Variants in DIAPH3 observed in about 807,000 individuals in gnomAD.
DIAPH3 encodes the protein protein diaphanous homolog 3.
Under a neutral mutation model 144.3 loss-of-function variants are expected in DIAPH3, and 117 were observed. That is an observed-to-expected ratio of 0.81 (90% CI 0.70 to 0.95). The LOEUF (loss-of-function observed/expected upper bound fraction) is 0.95, where lower values mean the gene tolerates loss of function less well. Among genes scored for constraint, DIAPH3 ranks in the 40% least tolerant of loss-of-function variants. DIAPH3 has a pLI of 0.00. For missense variants in DIAPH3, 1,421 were observed against 1,412.7 expected, an observed-to-expected ratio of 1.01 and a Z score of -0.09; for synonymous variants, 519 against 488.9, an observed-to-expected ratio of 1.06 and a Z score of -0.81.
intron 4 of DIAPH3, among the ~76,000 whole-genome samples, chr13:60,091,382 C>T (rs2057926319): frequency 1.3e-5 from 2 of 152,228 alleles, no homozygotes. Flanking sequence ...ACTGCAACCT[C>T]TGCCTTATGG....
intron 27 of DIAPH3, among the ~76,000 whole-genome samples, chr13:59,771,439 A>G (rs2038114327): frequency 6.6e-6 from 1 of 152,170 alleles, no homozygotes; most frequent in African/African-American, 2.4e-5. Context: ...GATTATTTTC[A>G]TAATCCAAAC....
intron 20 of DIAPH3, among the ~76,000 whole-genome samples, chr13:59,900,349 T>G (rs2046362461): frequency 6.6e-6 from 1 of 152,170 alleles, no homozygotes; most frequent in Non-Finnish European, 1.5e-5. Flanking sequence ...TTTTTTTTCT[T>G]TCACTGCACA....
chr13:59,955,674 A>ATGT (rs768872232), intron 17 of DIAPH3, among the ~76,000 whole-genome samples: 3 of 152,180 alleles, frequency 2.0e-5, no homozygotes, highest in Non-Finnish European at 4.4e-5. Context: ...AGACAGAAAA[A>ATGT]TGTGGGAAAG....
chr13:59,841,161 C>A (rs1176035452), intron 22 of DIAPH3, among the ~76,000 whole-genome samples: 1 of 152,022 alleles, frequency 6.6e-6, no homozygotes, highest in Non-Finnish European at 1.5e-5. Flanking sequence ...TAAGAGATTC[C>A]TTTTGCTCTC....
chr13:59,853,079 G>C (rs573031996), intron 22 of DIAPH3, among the ~76,000 whole-genome samples: 1 of 152,108 alleles, frequency 6.6e-6, no homozygotes, highest in Non-Finnish European at 1.5e-5. Flanking sequence ...GGTAGGAAAA[G>C]GGAAGCTCAG....
rs889578397 is a variant in DIAPH3 at position 60,075,092 on chromosome 13, T to C, written c.495+18536A>G. Among the ~76,000 whole-genome samples the C allele has an allele frequency of 5.3e-5, 8 of 152,228 alleles. No homozygotes were observed. The East Asian group carries it at 1.5e-3, about 29-fold the overall frequency. On this transcript the variant is annotated intron_variant, in intron 4 of 27. Coordinates refer to ENST00000400324, the MANE Select transcript of DIAPH3 (RefSeq NM_001042517.2). ...TAGTTTGCATTGATATATATTTCTA[T>C]ACTCTCACCAAACATTTACTGTCAA...
intron 27 of DIAPH3, among the ~76,000 whole-genome samples, chr13:59,682,706 C>T (rs1300401060): frequency 6.6e-6 from 1 of 152,052 alleles, no homozygotes; most frequent in Non-Finnish European, 1.5e-5. Flanking sequence ...TACCCTATTC[C>T]CTAGTCTGAA....
intron 8 of DIAPH3, among the ~76,000 whole-genome samples, chr13:60,010,117 A>G (rs2053145365): frequency 6.6e-6 from 1 of 152,180 alleles, no homozygotes; most frequent in South Asian, 2.1e-4. Context: ...TGCCTTATAT[A>G]TAGATTTCCA....
intron 27 of DIAPH3, among the ~76,000 whole-genome samples, chr13:59,717,315 A>T (rs950596833): frequency 6.6e-5 from 10 of 152,214 alleles, no homozygotes; most frequent in African/African-American, 2.4e-4. Context: ...TACTTTAAGT[A>T]TTTTGAAGTA....
At chr13:59,780,179 C>T (rs939795919) in intron 25 of DIAPH3, among the ~76,000 whole-genome samples, 2 of 151,670 alleles carry the variant, frequency 1.3e-5, no homozygotes, top group South Asian at 4.2e-4. Flanking sequence ...CAAAGGTAAA[C>T]ACAAAAGCAT....
At chr13:60,096,801 C>A (rs1196990686) in intron 3 of DIAPH3, among the ~76,000 whole-genome samples, 2 of 152,220 alleles carry the variant, frequency 1.3e-5, no homozygotes, top group Non-Finnish European at 2.9e-5. Flanking sequence ...CCCTGGAGTT[C>A]TCAGGCCTTA....
At chr13:59,909,173 G>A (rs1454854249) in intron 20 of DIAPH3, among the ~76,000 whole-genome samples, 1 of 151,948 alleles carries the variant, frequency 6.6e-6, no homozygotes, top group African/African-American at 2.4e-5. Context: ...AAATACACTT[G>A]GCAATTATAA....
chr13:59,819,551 T>C (rs377738012), intron 24 of DIAPH3, among the ~76,000 whole-genome samples: 4 of 151,978 alleles, frequency 2.6e-5, no homozygotes, highest in African/African-American at 9.6e-5. Context: ...TCATATAATG[T>C]AGCAGTTCTC....
At chr13:59,960,661 AT>A (rs2049704315) in intron 17 of DIAPH3, among the ~76,000 whole-genome samples, 1 of 151,574 alleles carries the variant, frequency 6.6e-6, no homozygotes, top group African/African-American at 2.4e-5. Flanking sequence ...ACTGTCAAAA[AT>A]AATGAATTAT....
At chr13:59,929,579 T>G (rs2047918327) in intron 17 of DIAPH3, among the ~76,000 whole-genome samples, 1 of 146,322 alleles carries the variant, frequency 6.8e-6, no homozygotes, top group Non-Finnish European at 1.5e-5. Context: ...TTTTTTTTTT[T>G]TGAGATAGAG....
At chr13:60,046,517 T>C (rs1321047515) in intron 4 of DIAPH3, among the ~76,000 whole-genome samples, 2 of 152,210 alleles carry the variant, frequency 1.3e-5, no homozygotes, top group African/African-American at 4.8e-5. Context: ...ACTTTTACAC[T>C]GTTGGTGAGA....
intron 1 of DIAPH3, among the ~76,000 whole-genome samples, chr13:60,152,653 T>C (rs1359273510): frequency 6.6e-6 from 1 of 151,954 alleles, no homozygotes; most frequent in Non-Finnish European, 1.5e-5. Flanking sequence ...CAATGGAATT[T>C]ATGATATTTA....
At chr13:59,824,375 G>T (rs1281372196) in intron 24 of DIAPH3, among the ~76,000 whole-genome samples, 3 of 152,052 alleles carry the variant, frequency 2.0e-5, no homozygotes, top group South Asian at 2.1e-4. Flanking sequence ...GCCTATACAC[G>T]TATCACTAAT....
chr13:59,978,668 T>C (rs1759951589), intron 14 of DIAPH3, among the ~76,000 whole-genome samples: 1 of 151,744 alleles, frequency 6.6e-6, no homozygotes, highest in Non-Finnish European at 1.5e-5. Flanking sequence ...TTTAGCATTT[T>C]TGTAATATCT....
Sources: allele counts gnomAD v4.1 joint callset (sites outside exome capture counted in the v4.1 genomes callset), GRCh38; gene constraint gnomAD v4.1.1; transcripts MANE v1.5; gene names NCBI Gene and HGNC (gene_info 2026-07-23, HGNC 2026-07-21).